The following PRKN variants were observed in gnomAD, a reference collection of about 807,000 sequenced individuals.
PRKN encodes the protein parkin RBR E3 ubiquitin protein ligase, also known as E3 ubiquitin-protein ligase parkin.
PRKN carries 56 observed loss-of-function variants against 59.5 expected under a neutral mutation model. That is an observed-to-expected ratio of 0.94 (90% CI 0.76 to 1.18). The LOEUF (loss-of-function observed/expected upper bound fraction) is 1.18, where lower values mean the gene tolerates loss of function less well. PRKN is among the 50% of genes most tolerant of loss of function. PRKN has a pLI of 0.00. For synonymous variants in PRKN, 250 were observed against 222.1 expected, an observed-to-expected ratio of 1.13 and a Z score of -1.12; for missense variants, 657 against 596.4, an observed-to-expected ratio of 1.10 and a Z score of -1.06.
chr6:162,125,642 A>C (rs1583068416), intron 4 of PRKN, among the ~76,000 whole-genome samples: 1 of 152,170 alleles, frequency 6.6e-6, no homozygotes, highest in South Asian at 2.1e-4. Flanking sequence ...TACACAAACA[A>C]ATAGTCACTG....
chr6:161,653,750 G>T (rs573945101), intron 7 of PRKN, among the ~76,000 whole-genome samples: 2 of 152,286 alleles, frequency 1.3e-5, no homozygotes, highest in African/African-American at 4.8e-5. Context: ...GGTCTTTATA[G>T]ATTTTCTTTT....
At position 161,934,960 on chromosome 6, in the gene PRKN, A is replaced by AG. The variant is rs145336325; in HGVS notation, c.734+38341dup. 4.3e-3 allele frequency among the ~76,000 whole-genome samples: 662 copies of AG among 152,310 alleles called. 3 individuals are homozygous for AG. The highest frequency in any genetic ancestry group is 0.015 in the African/African-American group (630 of 41,570). On this transcript the variant is annotated intron_variant, in intron 6 of 11. Coordinates refer to ENST00000366898, the MANE Select transcript of PRKN (RefSeq NM_004562.3). ...TTATAAATAGATGCTAGAAATAATT[A>AG]GGTCTGTCTAATGTGTTATTTTAAG...
At position 161,551,050 on chromosome 6, in the gene PRKN, C is replaced by T. The variant is rs571966972; in HGVS notation, c.934-2047G>A. Among the ~76,000 whole-genome samples the T allele has an allele frequency of 1.3e-5, 2 of 152,194 alleles. No individual in the cohort carries two copies. Among genetic ancestry groups the T allele is most frequent in the Non-Finnish European group, 2.9e-5 (2 of 68,014 alleles). Reference sequence around the variant, plus strand: ...TTACCAGAAAAGAGGTCTAAGAGTTCGGATGGCAAACAAACTAGAATCTCT... The same window carrying T: ...TTACCAGAAAAGAGGTCTAAGAGTTTGGATGGCAAACAAACTAGAATCTCT... On this transcript the variant is annotated intron_variant, in intron 8 of 11. Transcript: ENST00000366898. This position sits in a 1 kb window ranked among gnomAD's most constrained non-coding sequence, Gnocchi z 5.2.
At chr6:162,151,251 G>T (rs1485687919) in intron 4 of PRKN, among the ~76,000 whole-genome samples, 1 of 152,186 alleles carries the variant, frequency 6.6e-6, no homozygotes, top group Non-Finnish European at 1.5e-5. Flanking sequence ...GGGCAAGCTG[G>T]CTGGCCGAGA....
At chr6:161,903,975 G>A (rs539985098) in intron 6 of PRKN, among the ~76,000 whole-genome samples, 2 of 151,954 alleles carry the variant, frequency 1.3e-5, no homozygotes, top group African/African-American at 4.8e-5. Context: ...AAACAGGAGG[G>A]AAGCAGAGTG....
At chr6:161,521,074 G>T (rs984709793) in intron 9 of PRKN, among the ~76,000 whole-genome samples, 2 of 152,176 alleles carry the variant, frequency 1.3e-5, no homozygotes, top group Non-Finnish European at 2.9e-5. Context: ...GGTCTTAAAT[G>T]AGTTTGTCCT....
intron 1 of PRKN, among the ~76,000 whole-genome samples, chr6:162,690,281 C>G (rs780433323): frequency 1.3e-5 from 2 of 152,072 alleles, no homozygotes; most frequent in Non-Finnish European, 2.9e-5. Flanking sequence ...ATTCTCACAC[C>G]GATTCTATGG....
In PRKN at chr6:162,019,439, T is replaced by C. The variant is rs1305607912; in HGVS notation, c.618+34652A>G. Among the ~76,000 whole-genome samples, 14 of 152,194 alleles carry C rather than the reference T, an allele frequency of 9.2e-5. 1 individual carries two copies. The highest frequency in any genetic ancestry group is 8.5e-4 in the Admixed American group (13 of 15,284). On this transcript the variant is annotated intron_variant, in intron 5 of 11. Coordinates refer to ENST00000366898, the MANE Select transcript of PRKN (RefSeq NM_004562.3). ...CTCGGTGCACCCTCAAGCTCAGAGA[T>C]GGATTGAAAGGCACCGTTCAAAACA...
At chr6:162,141,837 G>A (rs191505599) in intron 4 of PRKN, among the ~76,000 whole-genome samples, 130 of 152,286 alleles carry the variant, frequency 8.5e-4, no homozygotes, top group African/African-American at 3.0e-3. Context: ...GATGGAAGTA[G>A]CCTTTTTCCC....
At chr6:161,947,903 C>T (rs903917008) in intron 6 of PRKN, among the ~76,000 whole-genome samples, 1 of 152,120 alleles carries the variant, frequency 6.6e-6, no homozygotes, top group Non-Finnish European at 1.5e-5. Flanking sequence ...TTATGCCATC[C>T]TCTGAAAGCA....
intron 2 of PRKN, among the ~76,000 whole-genome samples, chr6:162,294,354 G>A (rs1781566291): frequency 6.6e-6 from 1 of 150,536 alleles, no homozygotes; most frequent in African/African-American, 2.5e-5. Flanking sequence ...AGAGAGGAGA[G>A]AGACAGAGAG....
intron 1 of PRKN, among the ~76,000 whole-genome samples, chr6:162,552,419 T>C (rs1779368574): frequency 6.6e-6 from 1 of 152,070 alleles, no homozygotes; most frequent in Admixed American, 6.6e-5. Context: ...CAATGGAAGA[T>C]GTACTCTGGA....
At chr6:162,508,051 G>T (rs1181374346) in intron 1 of PRKN, among the ~76,000 whole-genome samples, 8 of 152,156 alleles carry the variant, frequency 5.3e-5, no homozygotes, top group East Asian at 3.8e-4. Context: ...ATTTACAAAA[G>T]AAAGTGGTTT....
chr6:161,530,594 G>A lies in PRKN; in HGVS notation c.1083+18260C>T, dbSNP rs1052927149. Among the ~76,000 whole-genome samples the A allele has an allele frequency of 9.3e-5, 14 of 150,824 alleles. No homozygotes were observed. The highest frequency in any genetic ancestry group is 1.5e-4 in the African/African-American group (6 of 40,922). ...TGCAATGGCATGATCTCGGCTCACC[G>A]CAACCTCCACCTCCCAGGTTCAAGC... On this transcript the variant is annotated intron_variant, in intron 9 of 11. Coordinates refer to ENST00000366898, the MANE Select transcript of PRKN (RefSeq NM_004562.3). This position sits in a 1 kb window ranked among gnomAD's most constrained non-coding sequence, Gnocchi z 5.0.
intron 6 of PRKN, among the ~76,000 whole-genome samples, chr6:161,874,218 A>G (rs182718235): frequency 2.6e-5 from 1 of 37,908 alleles, no homozygotes; most frequent in Non-Finnish European, 4.4e-5. Context: ...GTAAAATATA[A>G]TATATATTAT....
intron 2 of PRKN, among the ~76,000 whole-genome samples, chr6:162,293,359 G>A (rs1781525990): frequency 6.6e-6 from 1 of 152,214 alleles, no homozygotes; most frequent in Non-Finnish European, 1.5e-5. Flanking sequence ...TTAAAAGAAT[G>A]AGGGTTAAAA....
intron 7 of PRKN, among the ~76,000 whole-genome samples, chr6:161,741,619 T>C (rs1394023521): frequency 9.9e-5 from 15 of 152,068 alleles, no homozygotes. Context: ...ATCAGCCCCA[T>C]GGATGAGGCC....
At chr6:161,430,814 C>CAAAAAA (rs35611748) in intron 9 of PRKN, among the ~76,000 whole-genome samples, 2 of 58,326 alleles carry the variant, frequency 3.4e-5, no homozygotes, top group Non-Finnish European at 5.9e-5. Flanking sequence ...GACTCCGTCT[C>CAAAAAA]AAAAAAAAAA....
chr6:162,156,216 GA>G (rs1436397044), intron 4 of PRKN, among the ~76,000 whole-genome samples: 18 of 152,274 alleles, frequency 1.2e-4, no homozygotes, highest in African/African-American at 4.1e-4. Context: ...CTGAATAATG[GA>G]ATTGTATCCA....
Sources: gnomAD v4.1 joint callset for allele counts (sites outside exome capture counted in the v4.1 genomes callset) on GRCh38, gnomAD v4.1.1 for gene constraint, Gnocchi (gnomAD v3.1) non-coding constraint, MANE v1.5 for transcripts, NCBI Gene and HGNC (gene_info 2026-07-23, HGNC 2026-07-21) for gene names.